DGCR2: variants seen among roughly 807,000 people sequenced by gnomAD.
DGCR2 encodes the protein integral membrane protein DGCR2/IDD.
In DGCR2, 24 loss-of-function variants were observed where a neutral mutation model predicts 51.6. That is an observed-to-expected ratio of 0.47 (90% confidence interval 0.34 to 0.65). DGCR2 has a LOEUF of 0.65. Ranked by LOEUF, DGCR2 falls within the 30% of genes least tolerant of loss-of-function variation. The pLI is 0.01. For synonymous variants in DGCR2, 340 were observed against 315.4 expected, an observed-to-expected ratio of 1.08 and a Z score of -0.82; for missense variants, 765 against 772.1, an observed-to-expected ratio of 0.99 and a Z score of 0.11.
chr22:19,088,217 G>A (rs961045316), intron 2 of DGCR2, among the ~76,000 whole-genome samples: 2 of 152,152 alleles, frequency 1.3e-5, no homozygotes, highest in African/African-American at 4.8e-5. Context: ...TGCCCCCTGG[G>A]AACTCATGGT....
At position 19,057,664 on chromosome 22, in the gene DGCR2, G is replaced by A. The variant is rs946748315; in HGVS notation, c.626-502C>T. ...CCGTCAGGCAGCATTGGCACTGGCC[G>A]GCACTGCCAGCAGCTGGCTGCAGGG... On this transcript the variant is annotated intron_variant, in intron 5 of 9. Transcript: ENST00000263196. The surrounding 1 kb of genome is among the most constrained non-coding windows in gnomAD (Gnocchi z 5.1). Among the ~76,000 whole-genome samples, 9 of 152,198 alleles carry A rather than the reference G, an allele frequency of 5.9e-5. No individual in the cohort carries two copies. The highest frequency in any genetic ancestry group is 5.8e-4 in the East Asian group (3 of 5,192).
At chr22:19,087,331 G>C (rs73386990) in intron 2 of DGCR2, among the ~76,000 whole-genome samples, 2,264 of 152,266 alleles carry the variant, frequency 0.015, 27 homozygotes, top group African/African-American at 0.017. Context: ...CCAGAGACAC[G>C]CATAATCTGA....
intron 2 of DGCR2, 23 bp downstream of exon 2, chr22:19,089,345 C>T (rs1215227260): frequency 3.2e-6 from 5 of 1,570,376 alleles, no homozygotes; most frequent in Admixed American, 1.8e-5. Flanking sequence ...GTGGTGTGTA[C>T]CCCGCCTACT....
rs2082789078 is a variant in DGCR2 at position 19,069,440 on chromosome 22, C to CA, written c.203-1216dup. On this transcript the variant is annotated intron_variant, in intron 2 of 9. Transcript: ENST00000263196. ...TTCAATGTGAAATGCTTGAAAAATA[C>CA]AAAAGTTTGAAAAGACAATAAACAA... Among the ~76,000 whole-genome samples the CA allele has an allele frequency of 2.0e-5, 3 of 152,150 alleles. No individual in the cohort carries two copies. In the South Asian group the frequency reaches 6.2e-4, roughly 31 times the overall value.
Position 19,068,110 on chromosome 22 carries a change from A to G in DGCR2, c.318T>C (p.Val106=). 1 of 1,587,712 alleles carries G rather than the reference A, an allele frequency of 6.3e-7. No homozygotes were observed. Among genetic ancestry groups the G allele is most frequent in the Non-Finnish European group, 8.6e-7 (1 of 1,168,422 alleles). ...AGGTCTGCAACTTACTGCTGAAGCG[A>G]ACGGGCTGCGCCACGTTCACCGCGT... The part of the protein sequence containing the change: ...HFHAVNVAQP[V]RFSSFLGKCP... The change falls in exon 3 of 10, where the codon GTT becomes GTC. Residue 106 remains valine, a synonymous_variant. Coordinates refer to ENST00000263196, the MANE Select transcript of DGCR2 (RefSeq NM_005137.3).
chr22:19,079,318 A>C (rs548812699), intron 2 of DGCR2, among the ~76,000 whole-genome samples: 1 of 152,182 alleles, frequency 6.6e-6, no homozygotes, highest in Admixed American at 6.5e-5. Flanking sequence ...TCCAAAATCC[A>C]AAACACTTCT....
In DGCR2 at chr22:19,038,757, AGTG is replaced by A; in HGVS notation, c.*105_*107del. On this transcript the variant is annotated 3_prime_UTR_variant, in exon 10 of 10. Transcript: ENST00000263196. Reference sequence around the variant, plus strand: ...CGCGAGCCCGCCAGTGACGTGCGGCAGTGCGTGGCGTCCAGGCTGGGACAGGGG... The same window carrying A: ...CGCGAGCCCGCCAGTGACGTGCGGCACGTGGCGTCCAGGCTGGGACAGGGG... 7.0e-7 allele frequency: 1 copy of A among 1,429,000 alleles called. No homozygotes were observed. Among genetic ancestry groups the A allele is most frequent in the South Asian group, 1.3e-5 (1 of 74,422 alleles). The allele number at this position is 1,429,000 out of a possible 1,614,324, so 88.5% of individuals were successfully genotyped here.
At position 19,064,942 on chromosome 22, in the gene DGCR2, G is replaced by A; in HGVS notation, c.454C>T (p.Leu152Phe). The change falls in exon 4 of 10, where the codon CTC becomes TTC. Residue 152 changes from leucine to phenylalanine, a missense_variant. Physicochemically the swap from Leu to Phe is conservative, Grantham distance 22. This residue lies in a region of DGCR2 where 370 missense variants were observed against 325.5 expected (regional missense o/e 1.14). Coordinates refer to ENST00000263196, the MANE Select transcript of DGCR2 (RefSeq NM_005137.3). ...TCCTGGTCAGTGGAGAAGGTGGCGA[G>A]AGAGCCATTCAGGCGCTGGCAGGTC... is the stretch of plus-strand genomic sequence containing the variant. ...AQTCQRLNGS[L>F]ATFSTDQELR... 1.2e-6 allele frequency: 2 copies of A among 1,614,020 alleles called. No individual in the cohort carries two copies. The highest frequency in any genetic ancestry group is 1.7e-6 in the Non-Finnish European group (2 of 1,180,046).
chr22:19,069,962 T>C (rs747083837), intron 2 of DGCR2, among the ~76,000 whole-genome samples: 1 of 152,208 alleles, frequency 6.6e-6, no homozygotes, highest in East Asian at 1.9e-4. Context: ...TCTTCAAGGC[T>C]TGTGTTTTTT....
rs139296413 is a variant in DGCR2, at chr22:19,066,401, G to C, written c.329-1334C>G. On this transcript the variant is annotated intron_variant, in intron 3 of 9. Transcript: ENST00000263196. ...AGCCTGGGTGACAGAGTGAGACCCT[G>C]TCTGAAAAAAAACAAACAAAAAACA... Among the ~76,000 whole-genome samples, 38 of 151,868 alleles carry C rather than the reference G, an allele frequency of 2.5e-4. 1 individual carries two copies. Among genetic ancestry groups the C allele is most frequent in the Middle Eastern group, 6.8e-3 (2 of 292 alleles).
intron 1 of DGCR2, among the ~76,000 whole-genome samples, chr22:19,095,991 A>G (rs2083135841): frequency 6.6e-6 from 1 of 152,160 alleles, no homozygotes; most frequent in East Asian, 1.9e-4. Flanking sequence ...TTATAAATCC[A>G]GGGCTTGCCC....
chr22:19,089,436 A>G lies in DGCR2; in HGVS notation c.134T>C (p.Ile45Thr). The change falls in exon 2 of 10, where the codon ATC becomes ACC. Residue 45 changes from isoleucine to threonine, a missense_variant. This residue lies in a region of DGCR2 where 370 missense variants were observed against 325.5 expected (regional missense o/e 1.14). Coordinates refer to ENST00000263196, the MANE Select transcript of DGCR2 (RefSeq NM_005137.3). ...FACRSGTIQCIPLPWQCDGWA... is the reference protein window; with the variant it reads ...FACRSGTIQCTPLPWQCDGWA... Reference sequence around the variant, plus strand: ...GCCGTCACACTGCCAGGGGAGGGGGATGCACTGGATGGTGCCGCTGCGACA... The same window carrying G: ...GCCGTCACACTGCCAGGGGAGGGGGGTGCACTGGATGGTGCCGCTGCGACA... 6.2e-7 allele frequency: 1 copy of G among 1,608,354 alleles called. No individual in the cohort carries two copies.
intron 1 of DGCR2, among the ~76,000 whole-genome samples, chr22:19,095,723 A>C (rs2083132705): frequency 7.2e-6 from 1 of 139,584 alleles, no homozygotes; most frequent in African/African-American, 2.8e-5. Flanking sequence ...TAAGTCAATT[A>C]TACCTCAATA....
intron 1 of DGCR2, among the ~76,000 whole-genome samples, chr22:19,112,847 C>T (rs2083331209): frequency 6.9e-6 from 1 of 144,050 alleles, no homozygotes; most frequent in African/African-American, 2.5e-5. Context: ...AATCTGAAAA[C>T]ACAAAGAGCT....
At chr22:19,065,578 G>A (rs773493492) in intron 3 of DGCR2, among the ~76,000 whole-genome samples, 58 of 152,228 alleles carry the variant, frequency 3.8e-4, no homozygotes, top group Middle Eastern at 3.4e-3. Context: ...TGTGTGACCC[G>A]CCCCTGCCTC....
At chr22:19,064,792 C>T (rs553649439) in intron 4 of DGCR2, 56 bp downstream of exon 4, 3 of 1,540,926 alleles carry the variant, frequency 1.9e-6, no homozygotes, top group South Asian at 2.3e-5. Flanking sequence ...AGGCCATGTG[C>T]TCAGTAGTCA....
chr22:19,058,021 G>T (rs2082622384), intron 5 of DGCR2, among the ~76,000 whole-genome samples: 1 of 152,170 alleles, frequency 6.6e-6, no homozygotes, highest in Admixed American at 6.5e-5. Context: ...GCAGAATAAT[G>T]AAGGCACACC....
chr22:19,073,933 G>A (rs151257961), intron 2 of DGCR2, among the ~76,000 whole-genome samples: 4 of 152,300 alleles, frequency 2.6e-5, no homozygotes, highest in African/African-American at 4.8e-5. Flanking sequence ...GATGGTGAAC[G>A]GGGAAGCTGG....
At chr22:19,102,039 A>C (rs1330551245) in intron 1 of DGCR2, among the ~76,000 whole-genome samples, 2 of 152,198 alleles carry the variant, frequency 1.3e-5, no homozygotes, top group African/African-American at 4.8e-5. Flanking sequence ...TGGGTGAAAG[A>C]GTGAGACAAA....
Sources: allele counts gnomAD v4.1 joint callset (sites outside exome capture counted in the v4.1 genomes callset), GRCh38; gene constraint gnomAD v4.1.1; regional missense constraint gnomAD v4.1.1; non-coding constraint Gnocchi (gnomAD v3.1); transcripts MANE v1.5; gene names NCBI Gene and HGNC (gene_info 2026-07-23, HGNC 2026-07-21).